BRWD1: variants seen among roughly 807,000 people sequenced by gnomAD.
BRWD1 encodes bromodomain and WD repeat-containing protein 1.
Under a neutral mutation model 251.2 loss-of-function variants are expected in BRWD1, and 82 were observed. The observed-to-expected ratio is 0.33, with a 90% confidence interval of 0.27 to 0.39. BRWD1 has a LOEUF of 0.39. BRWD1 is among the 10% of genes least tolerant of loss of function. The probability of loss-of-function intolerance (pLI) is 1.00; values close to 1 mark genes in which losing one functional copy is unlikely to be tolerated. For synonymous variants in BRWD1, 918 were observed against 902.8 expected, an observed-to-expected ratio of 1.02 and a Z score of -0.30; for missense variants, 2,233 against 2,711.6, an observed-to-expected ratio of 0.82 and a Z score of 3.92.
chr21:39,265,136 A>AG (rs899565706), intron 15 of BRWD1, 117 bp from the exon 16 acceptor site: 75 of 1,096,512 alleles, frequency 6.8e-5, no homozygotes, highest in Non-Finnish European at 9.4e-5. Context: ...AAAAAAAAAA[A>AG]GTTTCAGCCA....
At chr21:39,249,934 G>C (rs2034338383) in intron 20 of BRWD1, among the ~76,000 whole-genome samples, 1 of 141,856 alleles carries the variant, frequency 7.0e-6, no homozygotes, top group Non-Finnish European at 1.6e-5. Context: ...GTGTGTGTGT[G>C]TGTGTGTGTG....
intron 12 of BRWD1, 139 bp from the exon 13 acceptor site, chr21:39,274,611 A>T: frequency 1.4e-6 from 1 of 720,588 alleles, no homozygotes; most frequent in Non-Finnish European, 2.3e-6. Flanking sequence ...TCAAAAGACA[A>T]GGTATTTAGA....
intron 21 of BRWD1, among the ~76,000 whole-genome samples, chr21:39,246,820 C>T (rs574439084): frequency 1.7e-4 from 26 of 152,268 alleles, no homozygotes; most frequent in Non-Finnish European, 2.6e-4. Flanking sequence ...TGGTGGCTCA[C>T]GCCTGTAATC....
chr21:39,264,159 A>T (rs530105622), intron 17 of BRWD1, among the ~76,000 whole-genome samples: 1 of 152,186 alleles, frequency 6.6e-6, no homozygotes, highest in Non-Finnish European at 1.5e-5. Context: ...CATTACTAGA[A>T]TAACTGGAAA....
At chr21:39,279,409 C>T (rs1424562738) in intron 9 of BRWD1, among the ~76,000 whole-genome samples, 2 of 152,018 alleles carry the variant, frequency 1.3e-5, no homozygotes, top group African/African-American at 2.4e-5. Context: ...GAGGCCAAGG[C>T]GGGTGGATCA....
At chr21:39,266,683 G>A (rs2034932681) in intron 15 of BRWD1, among the ~76,000 whole-genome samples, 1 of 152,188 alleles carries the variant, frequency 6.6e-6, no homozygotes, top group African/African-American at 2.4e-5. Context: ...AATGATTCCT[G>A]ACAAAACGCA....
chr21:39,303,913 G>A (rs887775895), intron 4 of BRWD1, among the ~76,000 whole-genome samples: 5 of 151,664 alleles, frequency 3.3e-5, no homozygotes, highest in African/African-American at 7.3e-5. Flanking sequence ...ATCCTGAGGC[G>A]GGTGGATCAC....
At position 39,210,917 on chromosome 21, in the gene BRWD1, T is replaced by C. The variant is rs765639772; in HGVS notation, c.3913A>G (p.Lys1305Glu). Residue 1305 changes from lysine to glutamate, a missense_variant, in exon 35 of 41, where the codon AAA becomes GAA. By Grantham distance (56) the Lys-to-Glu change is moderately conservative (BLOSUM62 1). This residue lies in a region of BRWD1 where 167 missense variants were observed against 183.2 expected (regional missense o/e 0.91). Coordinates refer to ENST00000342449, the MANE Select transcript of BRWD1 (RefSeq NM_033656.4). ...SSGRRRVHDG[K>E]KSIRATNYVE... ...TAGTTCGTAGCTCTGATGCTTTTTT[T>C]CCCATCATGGACCTAAAAATACATT... 13 of 1,611,338 alleles carry C rather than the reference T, an allele frequency of 8.1e-6. No individual in the cohort carries two copies. The highest frequency in any genetic ancestry group is 1.7e-5 in the Admixed American group (1 of 59,306).
At chr21:39,197,555 T>C (rs1266238392) in intron 40 of BRWD1, 140 bp from the exon 41 acceptor site, 5 of 660,666 alleles carry the variant, frequency 7.6e-6, no homozygotes, top group African/African-American at 1.8e-5. Context: ...CCTATTAGTA[T>C]AGTCATATGT....
At chr21:39,312,257 AACT>A (rs1175653728) in intron 4 of BRWD1, among the ~76,000 whole-genome samples, 13 of 152,366 alleles carry the variant, frequency 8.5e-5, no homozygotes, top group South Asian at 8.3e-4. Context: ...CTCATCAATC[AACT>A]ACTGCGTTCA....
At chr21:39,213,894 G>A (rs1200229039) in intron 32 of BRWD1, among the ~76,000 whole-genome samples, 2 of 150,654 alleles carry the variant, frequency 1.3e-5, no homozygotes, top group African/African-American at 2.4e-5. Context: ...CAGGAAAACA[G>A]TTGATTTAAG....
At chr21:39,269,473 G>A (rs894825645) in intron 15 of BRWD1, among the ~76,000 whole-genome samples, 2 of 151,716 alleles carry the variant, frequency 1.3e-5, no homozygotes, top group Admixed American at 6.6e-5. Flanking sequence ...CAAGGTTACT[G>A]AAATTGGAGT....
intron 8 of BRWD1, among the ~76,000 whole-genome samples, chr21:39,281,941 T>C (rs1314266744): frequency 6.6e-6 from 1 of 151,436 alleles, no homozygotes; most frequent in Non-Finnish European, 1.5e-5. Flanking sequence ...CATATACATG[T>C]GTATATATGT....
At chr21:39,266,066 C>T (rs75803927) in intron 15 of BRWD1, among the ~76,000 whole-genome samples, 2,351 of 152,144 alleles carry the variant, frequency 0.015, 59 homozygotes, top group African/African-American at 0.053. Flanking sequence ...CTAAATGTTA[C>T]GCGTTCGGTG....
At chr21:39,268,368 G>A (rs1190638399) in intron 15 of BRWD1, among the ~76,000 whole-genome samples, 1 of 150,984 alleles carries the variant, frequency 6.6e-6, no homozygotes, top group Non-Finnish European at 1.5e-5. Context: ...TTGAACCCAG[G>A]AGGCGGAGGT....
chr21:39,286,341 C>T (rs1309799015), intron 8 of BRWD1, among the ~76,000 whole-genome samples: 1 of 151,164 alleles, frequency 6.6e-6, no homozygotes, highest in African/African-American at 2.4e-5. Flanking sequence ...TTAAAGTCAA[C>T]AATTCAGTGG....
At chr21:39,213,275 G>A (rs1048810285) in intron 33 of BRWD1, among the ~76,000 whole-genome samples, 16 of 152,036 alleles carry the variant, frequency 1.1e-4, no homozygotes, top group African/African-American at 3.9e-4. Flanking sequence ...CACACCTAAA[G>A]TTATTCACTT....
At chr21:39,292,106 T>C (rs1029640595) in intron 8 of BRWD1, among the ~76,000 whole-genome samples, 1 of 49,044 alleles carries the variant, frequency 2.0e-5, no homozygotes, top group South Asian at 1.1e-3. Context: ...CTTGCCAAAC[T>C]ATTTTTTGTG....
chr21:39,303,829 AAAAAG>A (rs2036198321), intron 4 of BRWD1, among the ~76,000 whole-genome samples: 4 of 151,832 alleles, frequency 2.6e-5, no homozygotes, highest in Non-Finnish European at 4.4e-5. Context: ...TCTCAAAAAA[AAAAAG>A]AAAAAGAAAA....
Sources: allele counts gnomAD v4.1 joint callset (sites outside exome capture counted in the v4.1 genomes callset), GRCh38; gene constraint gnomAD v4.1.1; regional missense constraint gnomAD v4.1.1; transcripts MANE v1.5; gene names NCBI Gene and HGNC (gene_info 2026-07-23, HGNC 2026-07-21).